MAGI2: variants seen among roughly 807,000 people sequenced by gnomAD.
MAGI2 encodes the protein membrane-associated guanylate kinase, WW and PDZ domain-containing protein 2.
A neutral mutation model predicts 133.3 loss-of-function variants in MAGI2; 35 were observed. The observed-to-expected ratio is 0.26, with a 90% confidence interval of 0.20 to 0.35. The LOEUF (loss-of-function observed/expected upper bound fraction) is 0.35, where lower values mean the gene tolerates loss of function less well. MAGI2 is among the 10% of genes least tolerant of loss of function. MAGI2 has a pLI of 1.00. For synonymous variants in MAGI2, 729 were observed against 710.6 expected, an observed-to-expected ratio of 1.03 and a Z score of -0.41; for missense variants, 1,636 against 1,863.4, an observed-to-expected ratio of 0.88 and a Z score of 2.25.
At chr7:79,168,161 C>T (rs937374281) in intron 1 of MAGI2, among the ~76,000 whole-genome samples, 3 of 151,998 alleles carry the variant, frequency 2.0e-5, no homozygotes, top group Non-Finnish European at 4.4e-5. Flanking sequence ...GGGCTCTCAG[C>T]TCTGAAGGCT....
At chr7:78,844,712 G>A (rs1185064846) in intron 2 of MAGI2, among the ~76,000 whole-genome samples, 1 of 151,764 alleles carries the variant, frequency 6.6e-6, no homozygotes, top group Non-Finnish European at 1.5e-5. Context: ...TGATGAAAAT[G>A]TTCTGGAGTC....
rs368836693 is a variant in MAGI2, at chr7:79,268,150, G to T, written c.301+184870C>A. 1.0e-3 allele frequency among the ~76,000 whole-genome samples: 155 copies of T among 152,252 alleles called. 2 individuals carry two copies. In the South Asian group the frequency reaches 0.011, roughly 11 times the overall value. On this transcript the variant is annotated intron_variant, in intron 1 of 21. Coordinates refer to ENST00000354212, the MANE Select transcript of MAGI2 (RefSeq NM_012301.4). ...TGCTTGGAGGTAGAAGCAGGAGAAG[G>T]TTAAAGTTCTCCATTCTGCAGCTGC...
chr7:79,202,730 C>T (rs1828719923), intron 1 of MAGI2, among the ~76,000 whole-genome samples: 2 of 151,952 alleles, frequency 1.3e-5, no homozygotes, highest in Admixed American at 1.3e-4. Context: ...ATTGGGCTCG[C>T]AATATGGTAT....
chr7:78,799,114 G>C (rs1007550128), intron 2 of MAGI2, among the ~76,000 whole-genome samples: 1 of 152,146 alleles, frequency 6.6e-6, no homozygotes, highest in Non-Finnish European at 1.5e-5. Flanking sequence ...GTCATCATCT[G>C]TCTTTGCTGG....
At chr7:78,922,640 C>A (rs1196316367) in intron 2 of MAGI2, among the ~76,000 whole-genome samples, 2 of 152,130 alleles carry the variant, frequency 1.3e-5, no homozygotes, top group Non-Finnish European at 2.9e-5. Flanking sequence ...GTGAATAATG[C>A]CGCAATAAAC....
At chr7:78,457,598 T>G (rs563003465) in intron 6 of MAGI2, among the ~76,000 whole-genome samples, 1 of 152,308 alleles carries the variant, frequency 6.6e-6, no homozygotes, top group African/African-American at 2.4e-5. Context: ...GTCCATGTTC[T>G]TTTAATAAAA....
At chr7:78,335,791 C>T (rs1433351009) in intron 9 of MAGI2, among the ~76,000 whole-genome samples, 1 of 152,072 alleles carries the variant, frequency 6.6e-6, no homozygotes, top group Non-Finnish European at 1.5e-5. Context: ...GTATAAAACT[C>T]CACAAAGCTG....
chr7:78,438,653 C>T (rs571622450), intron 6 of MAGI2, among the ~76,000 whole-genome samples: 1 of 152,252 alleles, frequency 6.6e-6, no homozygotes, highest in Admixed American at 6.5e-5. Context: ...TGGGTTTTGT[C>T]TTTAATTTCT....
At chr7:78,136,206 G>A (rs75250156) in intron 16 of MAGI2, among the ~76,000 whole-genome samples, 5,366 of 151,424 alleles carry the variant, frequency 0.035, 129 homozygotes, top group East Asian at 0.058. Flanking sequence ...AGCTCTGCCT[G>A]CCTCCTGGGT....
intron 1 of MAGI2, among the ~76,000 whole-genome samples, chr7:79,328,781 C>T (rs1219867714): frequency 6.6e-6 from 1 of 151,716 alleles, no homozygotes; most frequent in Non-Finnish European, 1.5e-5. Flanking sequence ...TAGTTTTCTT[C>T]TCTCTCTCTC....
intron 1 of MAGI2, among the ~76,000 whole-genome samples, chr7:79,235,639 G>A (rs1183186166): frequency 6.6e-6 from 1 of 152,170 alleles, no homozygotes; most frequent in Non-Finnish European, 1.5e-5. Flanking sequence ...GCAATGCCTT[G>A]CCCTGCTTCG....
At chr7:78,766,990 T>C (rs973000882) in intron 2 of MAGI2, among the ~76,000 whole-genome samples, 4 of 63,650 alleles carry the variant, frequency 6.3e-5, no homozygotes, top group Non-Finnish European at 1.2e-4. Flanking sequence ...TATAATAAAG[T>C]TCTTTTTTTT....
chr7:79,316,432 C>T (rs1219263515), intron 1 of MAGI2, among the ~76,000 whole-genome samples: 1 of 151,982 alleles, frequency 6.6e-6, no homozygotes, highest in Non-Finnish European at 1.5e-5. Context: ...AAAATATATG[C>T]TATTTTATAT....
At chr7:78,162,222 T>C (rs1177060679) in intron 15 of MAGI2, among the ~76,000 whole-genome samples, 1 of 152,114 alleles carries the variant, frequency 6.6e-6, no homozygotes. Context: ...AGAGCTGTGA[T>C]TGTCAGTAAG....
At position 78,352,265 on chromosome 7, in the gene MAGI2, G is replaced by A. The variant is rs560763741; in HGVS notation, c.1104-6222C>T. ...AACAGGGACAAAAAAGAATTATGAT[G>A]CAAAACAAGGTTACATAATGCAATG... On this transcript the variant is annotated intron_variant, in intron 7 of 21. Transcript: ENST00000354212. 2.0e-5 allele frequency among the ~76,000 whole-genome samples: 3 copies of A among 152,270 alleles called. No homozygotes were observed. In the Middle Eastern group the frequency reaches 0.01, roughly 518 times the overall value.
intron 1 of MAGI2, among the ~76,000 whole-genome samples, chr7:79,326,252 T>A (rs35714447): frequency 0.34 from 52,211 of 152,038 alleles, 11,070 homozygotes; most frequent in Non-Finnish European, 0.46. Context: ...TCTAGATTTT[T>A]AAAATATGAC....
intron 6 of MAGI2, among the ~76,000 whole-genome samples, chr7:78,460,217 G>T (rs879531391): frequency 1.4e-4 from 21 of 152,160 alleles, no homozygotes; most frequent in Admixed American, 6.5e-5. Flanking sequence ...TAGCCAAAAG[G>T]TCTGCTGGCA....
chr7:78,086,534 G>T (rs1244129316), intron 20 of MAGI2, among the ~76,000 whole-genome samples: 1 of 150,962 alleles, frequency 6.6e-6, no homozygotes, highest in Non-Finnish European at 1.5e-5. Flanking sequence ...ACCGCACCCG[G>T]TCTCTTCTAG....
At chr7:79,299,554 C>CAAAACAAAAA (rs1837218339) in intron 1 of MAGI2, among the ~76,000 whole-genome samples, 1 of 84,708 alleles carries the variant, frequency 1.2e-5, no homozygotes, top group African/African-American at 4.6e-5. Context: ...GACTCCATCT[C>CAAAACAAAAA]AAAAAAAAAA....
Sources: allele counts gnomAD v4.1 joint callset (sites outside exome capture counted in the v4.1 genomes callset), GRCh38; gene constraint gnomAD v4.1.1; transcripts MANE v1.5; gene names NCBI Gene and HGNC (gene_info 2026-07-23, HGNC 2026-07-21).